CPSF2: variants seen among roughly 807,000 people sequenced by gnomAD.
CPSF2 encodes cleavage and polyadenylation specificity factor subunit 2.
Under a neutral mutation model 84.2 loss-of-function variants are expected in CPSF2, and 51 were observed. The ratio of observed to expected loss-of-function variants is 0.61; its 90% confidence interval spans 0.48 to 0.77. CPSF2 has a LOEUF of 0.77. Among genes scored for constraint, CPSF2 ranks in the 30% least tolerant of loss-of-function variants. The probability of loss-of-function intolerance (pLI) is 0.00; values close to 1 mark genes in which losing one functional copy is unlikely to be tolerated. For synonymous variants in CPSF2, 286 were observed against 311.9 expected (o/e 0.92, Z 0.87); for missense variants, 641 against 929.4 (o/e 0.69, Z 4.03).
chr14:92,124,290 G>C (rs1271557224), intron 1 of CPSF2, among the ~76,000 whole-genome samples: 2 of 152,064 alleles, frequency 1.3e-5, no homozygotes, highest in African/African-American at 4.8e-5. Flanking sequence ...TGTTTTTTTA[G>C]GATGGTCTCT....
chr14:92,146,381 C>T (rs539282693), intron 9 of CPSF2, among the ~76,000 whole-genome samples: 2 of 152,130 alleles, frequency 1.3e-5, no homozygotes, highest in South Asian at 4.2e-4. Context: ...ATTAGCCTGG[C>T]GTGGTGGTGG....
At position 92,170,836 on chromosome 14, in the gene CPSF2, G is replaced by A. The variant is rs1380274764; in HGVS notation, c.*9092G>A. The A allele has an allele frequency of 1.3e-5, 2 of 152,144 alleles. No individual in the cohort carries two copies. The highest frequency in any genetic ancestry group is 4.8e-5 in the African/African-American group (2 of 41,420). 9.4% of individuals were successfully genotyped at this position (152,144 alleles called of 1,614,324 possible). ...CATGTCAATTTTTTCCATTACTGGTGATGTTAATTTTTAACAGTTGGTTAC... is the reference window on the plus strand; with the variant it reads ...CATGTCAATTTTTTCCATTACTGGTAATGTTAATTTTTAACAGTTGGTTAC... On this transcript the variant is annotated 3_prime_UTR_variant, in exon 16 of 16. Transcript: ENST00000298875.
chr14:92,155,818 G>T (rs1481555407), intron 11 of CPSF2, among the ~76,000 whole-genome samples: 1 of 151,786 alleles, frequency 6.6e-6, no homozygotes, highest in Non-Finnish European at 1.5e-5. Flanking sequence ...ATTTCCAATG[G>T]ATTATGTCTT....
intron 9 of CPSF2, among the ~76,000 whole-genome samples, chr14:92,150,288 T>C (rs2069197316): frequency 6.6e-6 from 1 of 151,950 alleles, no homozygotes; most frequent in African/African-American, 2.4e-5. Flanking sequence ...CTAATTTTTT[T>C]TTTTCATATT....
intron 3 of CPSF2, among the ~76,000 whole-genome samples, chr14:92,133,619 T>G (rs926663950): frequency 2.8e-5 from 4 of 145,154 alleles, no homozygotes; most frequent in African/African-American, 5.0e-5. Context: ...CCACCACCCC[T>G]GGCTTTTTTT....
At chr14:92,136,022 G>C (rs1392437790) in intron 6 of CPSF2, among the ~76,000 whole-genome samples, 3 of 152,156 alleles carry the variant, frequency 2.0e-5, no homozygotes, top group Non-Finnish European at 4.4e-5. Context: ...AACAGGAGTT[G>C]CCTTGCACAT....
chr14:92,168,884 G>C lies in CPSF2; in HGVS notation c.*7140G>C, dbSNP rs568880107. 1 of 152,132 alleles carries C rather than the reference G, an allele frequency of 6.6e-6. No homozygotes were observed. The highest frequency in any genetic ancestry group is 2.4e-5 in the African/African-American group (1 of 41,450). 9.4% of individuals were successfully genotyped at this position (152,132 alleles called of 1,614,324 possible). On this transcript the variant is annotated 3_prime_UTR_variant, in exon 16 of 16. Transcript: ENST00000298875. ...CCATCTCTCTTTCTCTCTCCATATA[G>C]TCAAAGAGAACCAAAAATGTATGTG...
rs1017910194 is a variant in CPSF2 at position 92,171,355 on chromosome 14, A to G, written c.*9611A>G. On this transcript the variant is annotated 3_prime_UTR_variant, in exon 16 of 16. Transcript: ENST00000298875. Reference sequence around the variant, plus strand: ...CCATTTATTCAATATTTATATCAGTATAGAACATGGGTCCCTGTTTTATCA... The same window carrying G: ...CCATTTATTCAATATTTATATCAGTGTAGAACATGGGTCCCTGTTTTATCA... The G allele has an allele frequency of 6.6e-6, 1 of 152,184 alleles. No homozygotes were observed. Among genetic ancestry groups the G allele is most frequent in the Non-Finnish European group, 1.5e-5 (1 of 68,038 alleles). 9.4% of individuals were successfully genotyped at this position (152,184 alleles called of 1,614,324 possible). A position where few individuals can be genotyped will look rare whatever the true frequency, so the allele number is the denominator to read the frequency against.
intron 9 of CPSF2, among the ~76,000 whole-genome samples, chr14:92,151,010 G>C (rs1567023772): frequency 6.6e-6 from 1 of 152,202 alleles, no homozygotes. Context: ...ACATTTGTAA[G>C]ATCTGGATAA....
Position 92,161,773 on chromosome 14 carries a change from G to T in CPSF2, c.*29G>T. On this transcript the variant is annotated 3_prime_UTR_variant, in exon 16 of 16. Coordinates refer to ENST00000298875, the MANE Select transcript of CPSF2 (RefSeq NM_017437.3). ...ACATGATGTCAAGAAGTATCTGCTT[G>T]ACCTTTCTAAGAAAAAGGGATTCTT... The T allele has an allele frequency of 1.6e-6, 2 of 1,285,644 alleles. No individual in the cohort carries two copies. The highest frequency in any genetic ancestry group is 2.8e-5 in the South Asian group (2 of 70,684). 79.6% of individuals were successfully genotyped at this position (1,285,644 alleles called of 1,614,324 possible). A position where few individuals can be genotyped will look rare whatever the true frequency, so the allele number is the denominator to read the frequency against.
At chr14:92,123,920 T>C (rs1024870193) in intron 1 of CPSF2, among the ~76,000 whole-genome samples, 10 of 152,226 alleles carry the variant, frequency 6.6e-5, no homozygotes, top group African/African-American at 2.4e-4. Flanking sequence ...ACAAATACTT[T>C]ATGTGCCTCC....
chr14:92,140,953 C>T (rs2141464241), intron 7 of CPSF2, among the ~76,000 whole-genome samples: 1 of 152,128 alleles, frequency 6.6e-6, no homozygotes, highest in East Asian at 1.9e-4. Context: ...AGTAGCGGCT[C>T]TTTAAGTCTT....
Position 92,163,589 on chromosome 14 carries a change from A to G in CPSF2, c.*1845A>G, listed in dbSNP as rs906697988. 1 of 152,598 alleles carries G rather than the reference A, an allele frequency of 6.6e-6. No individual in the cohort carries two copies. The highest frequency in any genetic ancestry group is 2.4e-5 in the African/African-American group (1 of 41,434). 9.5% of individuals were successfully genotyped at this position (152,598 alleles called of 1,614,324 possible). On this transcript the variant is annotated 3_prime_UTR_variant, in exon 16 of 16. Coordinates refer to ENST00000298875, the MANE Select transcript of CPSF2 (RefSeq NM_017437.3). ...GTTTGGCTGTGTCCCCACCAAATTG[A>G]ATTGTGTTAATAGTTCCCATAATCC...
In CPSF2 at chr14:92,164,848, T is replaced by C. The variant is rs977709742; in HGVS notation, c.*3104T>C. 2 of 152,094 alleles carry C rather than the reference T, an allele frequency of 1.3e-5. No homozygotes were observed. The highest frequency in any genetic ancestry group is 4.8e-5 in the African/African-American group (2 of 41,416). 9.4% of individuals were successfully genotyped at this position (152,094 alleles called of 1,614,324 possible). ...CATTGGTGTTAGTATATTTACAGAGTTGTACAACTATTACCACTATATAAT... is the reference window on the plus strand; with the variant it reads ...CATTGGTGTTAGTATATTTACAGAGCTGTACAACTATTACCACTATATAAT... On this transcript the variant is annotated 3_prime_UTR_variant, in exon 16 of 16. Coordinates refer to ENST00000298875, the MANE Select transcript of CPSF2 (RefSeq NM_017437.3).
In CPSF2 at chr14:92,130,837, G is replaced by A. The variant is rs2068914911; in HGVS notation, c.-34-114G>A. The A allele has an allele frequency of 1.2e-5, 8 of 642,784 alleles. No homozygotes were observed. In the South Asian group the frequency reaches 1.9e-4, roughly 15 times the overall value. The allele number at this position is 642,784 out of a possible 1,614,324, so 39.8% of individuals were successfully genotyped here. On this transcript the variant is annotated intron_variant, in intron 2 of 15. Coordinates refer to ENST00000298875, the MANE Select transcript of CPSF2 (RefSeq NM_017437.3). ...GAAATGGGCCTTTAAACTGCTTTTC[G>A]TGTTAATGGAATTTCTATGCACTTA...
chr14:92,170,248 A>G lies in CPSF2; in HGVS notation c.*8504A>G, dbSNP rs1443742978. 6.6e-6 allele frequency: 1 copy of G among 152,244 alleles called. No individual in the cohort carries two copies. The highest frequency in any genetic ancestry group is 1.5e-5 in the Non-Finnish European group (1 of 68,044). 9.4% of individuals were successfully genotyped at this position (152,244 alleles called of 1,614,324 possible). On this transcript the variant is annotated 3_prime_UTR_variant, in exon 16 of 16. Transcript: ENST00000298875. ...ACAGAAAAGTAGAATAGTTCAAAAG[A>G]TCCTGTATATCCTTCCCCTAGATTC...
rs1015740044 is a variant in CPSF2, at chr14:92,149,294, C to T, written c.1141-5064C>T. Among the ~76,000 whole-genome samples the T allele has an allele frequency of 5.9e-5, 9 of 152,314 alleles. No individual in the cohort carries two copies. The Middle Eastern group carries it at 0.01, about 173-fold the overall frequency. On this transcript the variant is annotated intron_variant, in intron 9 of 15. Transcript: ENST00000298875. The stretch of plus-strand genomic sequence containing the variant: ...AAATGCTAGTTTCACTTAAGAATGT[C>T]CTTGAGAGGCTGGGCGTCATGGCCC...
rs570033367 is a variant in CPSF2 at position 92,165,392 on chromosome 14, C to T, written c.*3648C>T. 1.3e-5 allele frequency: 2 copies of T among 152,102 alleles called. No homozygotes were observed. Among genetic ancestry groups the T allele is most frequent in the African/African-American group, 2.4e-5 (1 of 41,412 alleles). 9.4% of individuals were successfully genotyped at this position (152,102 alleles called of 1,614,324 possible). On this transcript the variant is annotated 3_prime_UTR_variant, in exon 16 of 16. Transcript: ENST00000298875. ...TGGCTACAACATTTTGCATTTCCACCAGCATGTGTTTGAGGGTTCCATTTT... is the reference window on the plus strand; with the variant it reads ...TGGCTACAACATTTTGCATTTCCACTAGCATGTGTTTGAGGGTTCCATTTT...
chr14:92,132,872 C>T (rs924120841), intron 3 of CPSF2, among the ~76,000 whole-genome samples: 1 of 151,978 alleles, frequency 6.6e-6, no homozygotes, highest in African/African-American at 2.4e-5. Flanking sequence ...GGGCAGATCA[C>T]CTGAGGTCAG....
Sources: gnomAD v4.1 joint callset for allele counts (sites outside exome capture counted in the v4.1 genomes callset) on GRCh38, gnomAD v4.1.1 for gene constraint, MANE v1.5 for transcripts, NCBI Gene and HGNC (gene_info 2026-07-23, HGNC 2026-07-21) for gene names.